The following BPTF variants were observed in gnomAD, a reference collection of about 807,000 sequenced individuals.
The protein encoded by BPTF is bromodomain PHD finger transcription factor, also known as nucleosome-remodeling factor subunit BPTF.
Under a neutral mutation model 292.5 loss-of-function variants are expected in BPTF, and 18 were observed. That is an observed-to-expected ratio of 0.06 (90% CI 0.04 to 0.09). The LOEUF (loss-of-function observed/expected upper bound fraction) is 0.09, where lower values mean the gene tolerates loss of function less well. Among genes scored for constraint, BPTF ranks in the 10% least tolerant of loss-of-function variants. The pLI is 1.00. For missense variants in BPTF, 2,726 were observed against 3,498.7 expected, an observed-to-expected ratio of 0.78 and a Z score of 5.57; for synonymous variants, 1,225 against 1,251.9, an observed-to-expected ratio of 0.98 and a Z score of 0.45.
chr17:67,947,637 A>G, intron 21 of BPTF, 89 bp from the exon 22 acceptor site: 2 of 973,772 alleles, frequency 2.1e-6, no homozygotes, highest in Non-Finnish European at 3.0e-6. Context: ...AAAAAAACAC[A>G]TATGTGCTCA....
At position 67,940,613 on chromosome 17, in the gene BPTF, T is replaced by C; in HGVS notation, c.6434T>C (p.Val2145Ala). Residue 2145 changes from valine (V) to alanine (A), a missense_variant, in exon 19 of 28, where the codon GTG becomes GCG. Around this residue, in one of 22 missense-constraint regions of BPTF, gnomAD observed 570 missense variants for 633.5 expected, o/e 0.90. Coordinates refer to ENST00000306378, the MANE Select transcript of BPTF (RefSeq NM_182641.4). ...SQPPRPQQGQ[V>A]KLTMAQLTQL... The stretch of plus-strand genomic sequence containing the variant: ...CCCCCTCGCCCCCAACAAGGACAAG[T>C]GAAGCTCACCATGGCTCAACTTACT... 1 of 1,614,144 alleles carries C rather than the reference T, an allele frequency of 6.2e-7. No homozygotes were observed. The highest frequency in any genetic ancestry group is 8.5e-7 in the Non-Finnish European group (1 of 1,180,018).
chr17:67,972,920 G>T (rs1555691687), intron 26 of BPTF, among the ~76,000 whole-genome samples: 2 of 151,450 alleles, frequency 1.3e-5, no homozygotes, highest in African/African-American at 4.9e-5. Flanking sequence ...CCAAGTCTTG[G>T]AATCCAACTC....
chr17:67,955,806 C>T (rs1336277127), intron 23 of BPTF: 14 of 151,536 alleles, frequency 9.2e-5, no homozygotes, highest in Admixed American at 2.6e-4. Context: ...CGGAATGAGA[C>T]TCCATCTCGA....
intron 1 of BPTF, among the ~76,000 whole-genome samples, chr17:67,851,479 A>G (rs1002652492): frequency 6.6e-6 from 1 of 152,170 alleles, no homozygotes; most frequent in African/African-American, 2.4e-5. Flanking sequence ...GTTTCTCTAG[A>G]GAAGTGTTTT....
chr17:67,866,540 G>C lies in BPTF; in HGVS notation c.1513G>C (p.Asp505His). 1 of 1,614,034 alleles carries C rather than the reference G, an allele frequency of 6.2e-7. No homozygotes were observed. The highest frequency in any genetic ancestry group is 8.5e-7 in the Non-Finnish European group (1 of 1,179,996). Residue 505 changes from aspartate to histidine, a missense_variant, in exon 3 of 28, where the codon GAC becomes CAC. By Grantham distance (81) the Asp-to-His change is moderately conservative (BLOSUM62 -1). This residue lies in a region of BPTF where 187 missense variants were observed against 201.5 expected (regional missense o/e 0.93). Transcript: ENST00000306378. ...STKVQLAELIDCLDKDYWEAE... is the reference protein window; with the variant it reads ...STKVQLAELIHCLDKDYWEAE... Reference sequence around the variant, plus strand: ...AAAGGTCCAACTTGCAGAATTAATTGACTGTCTAGACAAAGATTATTGGGA... The same window carrying C: ...AAAGGTCCAACTTGCAGAATTAATTCACTGTCTAGACAAAGATTATTGGGA...
chr17:67,961,698 G>A (rs1388668414), intron 24 of BPTF, among the ~76,000 whole-genome samples: 1 of 152,126 alleles, frequency 6.6e-6, no homozygotes. Flanking sequence ...AATTGGCCAG[G>A]CGTGGTGGCT....
intron 23 of BPTF, among the ~76,000 whole-genome samples, chr17:67,953,961 C>CTTTTTTTTTTTTT (rs869063412): frequency 9.1e-5 from 6 of 65,640 alleles, no homozygotes; most frequent in African/African-American, 4.3e-4. Flanking sequence ...CTTTTCTTTT[C>CTTTTTTTTTTTTT]TTTTTTTTTT....
At chr17:67,915,912 G>C (rs759379179) in intron 11 of BPTF, among the ~76,000 whole-genome samples, 10 of 152,046 alleles carry the variant, frequency 6.6e-5, no homozygotes, top group Non-Finnish European at 1.2e-4. Flanking sequence ...CCGTGCATGT[G>C]GTGTGTTCCT....
At chr17:67,877,624 A>G (rs1364303862) in intron 4 of BPTF, among the ~76,000 whole-genome samples, 1 of 140,738 alleles carries the variant, frequency 7.1e-6, no homozygotes, top group Non-Finnish European at 1.6e-5. Context: ...TATTTTTGGT[A>G]AAGTTTTTTT....
At chr17:67,922,256 T>C (rs547403244) in intron 13 of BPTF, among the ~76,000 whole-genome samples, 1 of 152,230 alleles carries the variant, frequency 6.6e-6, no homozygotes, top group Non-Finnish European at 1.5e-5. Flanking sequence ...TTCCTTGTGA[T>C]TGAATATATG....
rs774339828 is a variant in BPTF at position 67,911,518 on chromosome 17, G to T, written c.3634G>T (p.Asp1212Tyr). ...CAGTAAGAGTAAAACAAAAGGAAAT[G>T]ATTTTTTCATCGATGACTCTAAACT... is the stretch of plus-strand genomic sequence containing the variant. ...EPSKSKTKGN[D>Y]FFIDDSKLAS... The change falls in exon 11 of 28, where the codon GAT becomes TAT. Residue 1212 changes from aspartate to tyrosine, a missense_variant. Around this residue, in one of 22 missense-constraint regions of BPTF, gnomAD observed 713 missense variants for 714.9 expected, o/e 1.00. Transcript: ENST00000306378. The T allele has an allele frequency of 2.5e-6, 4 of 1,613,354 alleles. No homozygotes were observed. The highest frequency in any genetic ancestry group is 2.7e-5 in the African/African-American group (2 of 74,790).
intron 11 of BPTF, among the ~76,000 whole-genome samples, chr17:67,913,799 A>C (rs1311662698): frequency 6.6e-6 from 1 of 152,166 alleles, no homozygotes; most frequent in Non-Finnish European, 1.5e-5. Context: ...CTAAATAGAT[A>C]GTGTTGGTAG....
At chr17:67,884,476 C>T (rs928090296) in intron 4 of BPTF, among the ~76,000 whole-genome samples, 45 of 151,798 alleles carry the variant, frequency 3.0e-4, no homozygotes, top group African/African-American at 9.7e-4. Context: ...AGTGCAATGG[C>T]GCAATCACGG....
Position 67,826,313 on chromosome 17 carries a change from C to T in BPTF, c.589C>T (p.His197Tyr). ...SYCTESSFRS[H>Y]STYSSTPGRR... ...CTGCACGGAAAGCAGCTTCAGGAGC[C>T]ATAGTACCTACAGCAGCACTCCAGG... Residue 197 changes from histidine (H) to tyrosine (Y), a missense_variant, in exon 1 of 28, where the codon CAT (histidine) becomes TAT (tyrosine). Transcript: ENST00000306378. 3 of 1,612,042 alleles carry T rather than the reference C, an allele frequency of 1.9e-6. No individual in the cohort carries two copies. The highest frequency in any genetic ancestry group is 2.7e-5 in the African/African-American group (2 of 74,808).
chr17:67,891,871 A>G lies in BPTF; in HGVS notation c.1892A>G (p.Asn631Ser), dbSNP rs1140781. The G allele has an allele frequency of 1.1e-5, 17 of 1,606,394 alleles. No homozygotes were observed. Among genetic ancestry groups the G allele is most frequent in the Middle Eastern group, 1.7e-4 (1 of 6,042 alleles). The change falls in exon 5 of 28, where the codon AAC becomes AGC. Residue 631 changes from asparagine (N) to serine (S), a missense_variant. Physicochemically the swap from Asn to Ser is conservative, Grantham distance 46 (BLOSUM62 1). Coordinates refer to ENST00000306378, the MANE Select transcript of BPTF (RefSeq NM_182641.4). ...GGTGATTTCAAATCGGAGAAGTCCAACGGGGAGCTAAGTGAATCTCCTGGA... is the reference window on the plus strand; with the variant it reads ...GGTGATTTCAAATCGGAGAAGTCCAGCGGGGAGCTAAGTGAATCTCCTGGA... ...EVGDFKSEKSNGELSESPGAG... is the reference protein window; with the variant it reads ...EVGDFKSEKSSGELSESPGAG...
In BPTF at chr17:67,853,922, T is replaced by C; in HGVS notation, c.614-18T>C. ...TGTAATGTATTGATTTGTAATGATG[T>C]CACGTCTTTATCTACAGGTAGGCGA... is the stretch of plus-strand genomic sequence containing the variant. On this transcript the variant is annotated intron_variant, in intron 1 of 27. Coordinates refer to ENST00000306378, the MANE Select transcript of BPTF (RefSeq NM_182641.4). The C allele has an allele frequency of 6.3e-7, 1 of 1,583,936 alleles. No homozygotes were observed. The highest frequency in any genetic ancestry group is 1.1e-5 in the South Asian group (1 of 89,222).
At position 67,854,907 on chromosome 17, in the gene BPTF, G is replaced by A; in HGVS notation, c.1436+145G>A. ...ACAGTTAAATAATTTCTTAATTGAA[G>A]GAATATGTGCATTAAAATAGCTTTT... On this transcript the variant is annotated intron_variant, in intron 2 of 27. Coordinates refer to ENST00000306378, the MANE Select transcript of BPTF (RefSeq NM_182641.4). This position sits in a 1 kb window ranked among gnomAD's most constrained non-coding sequence, Gnocchi z 5.6. 5 of 637,162 alleles carry A rather than the reference G, an allele frequency of 7.8e-6. No homozygotes were observed. The highest frequency in any genetic ancestry group is 4.3e-5 in the South Asian group (2 of 46,314). The allele number at this position is 637,162 out of a possible 1,614,324, so 39.5% of individuals were successfully genotyped here.
chr17:67,859,589 A>G (rs2058952745), intron 2 of BPTF, among the ~76,000 whole-genome samples: 1 of 152,202 alleles, frequency 6.6e-6, no homozygotes, highest in Non-Finnish European at 1.5e-5. Context: ...GTTTTATAAG[A>G]ATATTTTCAA....
chr17:67,860,149 A>G (rs1200037842), intron 2 of BPTF, among the ~76,000 whole-genome samples: 2 of 152,196 alleles, frequency 1.3e-5, no homozygotes, highest in Non-Finnish European at 2.9e-5. Flanking sequence ...ATCTTTTTCC[A>G]TGCTGTGATA....
Sources: allele counts gnomAD v4.1 joint callset (sites outside exome capture counted in the v4.1 genomes callset), GRCh38; gene constraint gnomAD v4.1.1; regional missense constraint gnomAD v4.1.1; non-coding constraint Gnocchi (gnomAD v3.1); transcripts MANE v1.5; gene names NCBI Gene and HGNC (gene_info 2026-07-23, HGNC 2026-07-21).